KIN: variants seen among roughly 807,000 people sequenced by gnomAD.
KIN encodes the protein Kin17 DNA and RNA binding protein, also known as DNA/RNA-binding protein KIN17.
In KIN, 47 loss-of-function variants were observed where a neutral mutation model predicts 63.0. The observed-to-expected ratio is 0.75, with a 90% CI of 0.59 to 0.95. The LOEUF (loss-of-function observed/expected upper bound fraction) is 0.95, where lower values mean the gene tolerates loss of function less well. Ranked by LOEUF, KIN falls within the 40% of genes least tolerant of loss-of-function variation. The pLI, the probability that KIN is intolerant of heterozygous loss-of-function variation, is 0.00. For synonymous variants in KIN, 160 were observed against 157.7 expected (o/e 1.01, Z -0.11); for missense variants, 408 against 460.9 (o/e 0.89, Z 1.05).
At chr10:7,777,053 CAA>C (rs60757813) in intron 5 of KIN, among the ~76,000 whole-genome samples, 4,632 of 80,690 alleles carry the variant, frequency 0.057, 69 homozygotes, top group South Asian at 0.12. Flanking sequence ...GACAGTCTCT[CAA>C]AAAAAAAAAA....
At chr10:7,774,074 C>T (rs192668006) in intron 7 of KIN, among the ~76,000 whole-genome samples, 1 of 152,230 alleles carries the variant, frequency 6.6e-6, no homozygotes, top group Non-Finnish European at 1.5e-5. Flanking sequence ...CCTTCCTGCA[C>T]TGTCCATGGC....
chr10:7,764,582 T>C (rs1366012098), intron 9 of KIN, among the ~76,000 whole-genome samples: 2 of 152,208 alleles, frequency 1.3e-5, no homozygotes, highest in South Asian at 2.1e-4. Flanking sequence ...AACAAAACTT[T>C]AGGAAGGACT....
chr10:7,781,477 G>T (rs935678205), intron 2 of KIN, among the ~76,000 whole-genome samples: 1 of 152,000 alleles, frequency 6.6e-6, no homozygotes, highest in Non-Finnish European at 1.5e-5. Context: ...TTTGGCCTGG[G>T]TATGATGGCT....
Position 7,785,171 on chromosome 10 carries a change from G to A in KIN, c.115-1996C>T, listed in dbSNP as rs77431925. On this transcript the variant is annotated intron_variant, in intron 1 of 12. Transcript: ENST00000379562. Reference sequence around the variant, plus strand: ...GGCTGAGGCAGGAGGAGGATTGCTTGAGCTGGGAAGGTCAAGGTTGCAGTG... The same window carrying A: ...GGCTGAGGCAGGAGGAGGATTGCTTAAGCTGGGAAGGTCAAGGTTGCAGTG... 6.9e-3 allele frequency among the ~76,000 whole-genome samples: 1,045 copies of A among 151,074 alleles called. 8 individuals carry two copies. Among genetic ancestry groups the A allele is most frequent in the African/African-American group, 0.024 (985 of 41,082 alleles).
At chr10:7,774,101 C>G (rs1835719389) in intron 7 of KIN, among the ~76,000 whole-genome samples, 1 of 152,206 alleles carries the variant, frequency 6.6e-6, no homozygotes, top group Non-Finnish European at 1.5e-5. Flanking sequence ...CTCACTACAA[C>G]AGCAGAGTTC....
chr10:7,784,549 C>T (rs949192453), intron 1 of KIN, among the ~76,000 whole-genome samples: 5 of 152,070 alleles, frequency 3.3e-5, no homozygotes, highest in Non-Finnish European at 5.9e-5. Flanking sequence ...GATCGAGCCA[C>T]TGTACTCCAG....
intron 11 of KIN, among the ~76,000 whole-genome samples, chr10:7,761,758 T>A (rs888833783): frequency 1.3e-5 from 2 of 152,154 alleles, no homozygotes; most frequent in African/African-American, 4.8e-5. Flanking sequence ...TTCCAGCCCT[T>A]TGGGAGGCTG....
chr10:7,758,134 G>A (rs1335649238), intron 12 of KIN, among the ~76,000 whole-genome samples: 2 of 149,664 alleles, frequency 1.3e-5, no homozygotes, highest in Non-Finnish European at 3.0e-5. Context: ...AGTAAGTGGC[G>A]CAATCTTGGC....
At chr10:7,784,424 A>G (rs978127305) in intron 1 of KIN, among the ~76,000 whole-genome samples, 4 of 152,112 alleles carry the variant, frequency 2.6e-5, no homozygotes, top group African/African-American at 4.8e-5. Flanking sequence ...TCTCCACAAG[A>G]TATTTTTTGA....
At chr10:7,762,094 G>T (rs1402209139) in intron 11 of KIN, among the ~76,000 whole-genome samples, 2 of 152,080 alleles carry the variant, frequency 1.3e-5, no homozygotes, top group South Asian at 2.1e-4. Flanking sequence ...TTATGTATAT[G>T]CAAATTCCAA....
Position 7,776,160 on chromosome 10 carries a change from G to A in KIN, c.559-361C>T, listed in dbSNP as rs994114045. Among the ~76,000 whole-genome samples the A allele has an allele frequency of 3.3e-5, 5 of 150,826 alleles. 1 individual carries two copies. The highest frequency in any genetic ancestry group is 2.7e-4 in the Admixed American group (4 of 15,080). On this transcript the variant is annotated intron_variant, in intron 5 of 12. Transcript: ENST00000379562. ...CAGGAGAATCACGTGAACCCGGGAG[G>A]CAGAGGTTGCAGTGAGCCAAGATCA...
In KIN at chr10:7,787,868, C is replaced by T. The variant is rs149288495; in HGVS notation, c.66G>A (p.Gln22=). Residue 22 remains glutamine, a synonymous_variant, in exon 1 of 13, where the codon CAG becomes CAA. Coordinates refer to ENST00000379562, the MANE Select transcript of KIN (RefSeq NM_012311.4). Reference sequence around the variant, plus strand: ...ACATCTGGCAATACCAGCGTAGCTTCTGCAGCCCCTTGGACTTGATCCTGT... The same window carrying T: ...ACATCTGGCAATACCAGCGTAGCTTTTGCAGCCCCTTGGACTTGATCCTGT... ...IANRIKSKGL[Q]KLRWYCQMCQ... is the part of the protein sequence containing the mutation. The T allele has an allele frequency of 5.9e-5, 96 of 1,614,262 alleles. No homozygotes were observed. The African/African-American group carries it at 1.2e-3, about 20-fold the overall frequency.
chr10:7,784,096 G>GT (rs1291640391), intron 1 of KIN, among the ~76,000 whole-genome samples: 9 of 152,210 alleles, frequency 5.9e-5, no homozygotes, highest in Admixed American at 1.3e-4. Flanking sequence ...TAAATAAACA[G>GT]TATCACTTTC....
rs1043578825 is a variant in KIN, at chr10:7,755,772, A to G, written c.*308T>C. On this transcript the variant is annotated 3_prime_UTR_variant, in exon 13 of 13. Transcript: ENST00000379562. ...TAGAGTGTATGAAGGATTTCCTCCAATTACATGATTCTAAATTGTCATAGA... is the reference window on the plus strand; with the variant it reads ...TAGAGTGTATGAAGGATTTCCTCCAGTTACATGATTCTAAATTGTCATAGA... 1.1e-5 allele frequency: 2 copies of G among 186,588 alleles called. No homozygotes were observed. Among genetic ancestry groups the G allele is most frequent in the Non-Finnish European group, 2.2e-5 (2 of 91,248 alleles). 11.6% of individuals were successfully genotyped at this position (186,588 alleles called of 1,614,324 possible).
chr10:7,779,119 C>T (rs991340131), intron 4 of KIN, 100 bp from the exon 5 acceptor site: 4 of 1,352,198 alleles, frequency 3.0e-6, no homozygotes, highest in African/African-American at 1.5e-5. Context: ...CAAACACACA[C>T]AAATCAGGCC....
intron 12 of KIN, 77 bp downstream of exon 12, chr10:7,759,813 G>T (rs777740799): frequency 9.2e-6 from 7 of 761,254 alleles, no homozygotes; most frequent in South Asian, 3.2e-5. Flanking sequence ...CTAAAATAAA[G>T]AACAATCCAA....
At chr10:7,767,314 C>T (rs1420003227) in intron 8 of KIN, among the ~76,000 whole-genome samples, 1 of 152,080 alleles carries the variant, frequency 6.6e-6, no homozygotes, top group Admixed American at 6.6e-5. Context: ...TCTCCCCAGG[C>T]GCTACCCTCA....
chr10:7,762,378 C>T (rs2130990949), intron 11 of KIN, 79 bp downstream of exon 11: 1 of 723,242 alleles, frequency 1.4e-6, no homozygotes, highest in Non-Finnish European at 2.3e-6. Context: ...CCAACAAGTA[C>T]TGTCAAAATA....
At position 7,755,853 on chromosome 10, in the gene KIN, A is replaced by G. The variant is rs2130979716; in HGVS notation, c.*227T>C. The G allele has an allele frequency of 2.9e-6, 1 of 340,966 alleles. No individual in the cohort carries two copies. Among genetic ancestry groups the G allele is most frequent in the South Asian group, 1.1e-4 (1 of 9,428 alleles). 21.1% of individuals were successfully genotyped at this position (340,966 alleles called of 1,614,324 possible). A position where few individuals can be genotyped will look rare whatever the true frequency, so the allele number is the denominator to read the frequency against. On this transcript the variant is annotated 3_prime_UTR_variant, in exon 13 of 13. Transcript: ENST00000379562. ...AAGATATAAACTCATCAAGTAAATT[A>G]CAAAGGAAACAAAAATAACAAGGAC...
Sources: gnomAD v4.1 joint callset for allele counts (sites outside exome capture counted in the v4.1 genomes callset) on GRCh38, gnomAD v4.1.1 for gene constraint, MANE v1.5 for transcripts, NCBI Gene and HGNC (gene_info 2026-07-23, HGNC 2026-07-21) for gene names.